The following DNM3 variants were observed in gnomAD, a reference collection of about 807,000 sequenced individuals.
DNM3 encodes the protein dynamin-3.
DNM3 carries 47 observed loss-of-function variants against 101.6 expected under a neutral mutation model. The ratio of observed to expected loss-of-function variants is 0.46; its 90% CI spans 0.37 to 0.59. The LOEUF is 0.59. Among genes scored for constraint, DNM3 ranks in the 20% least tolerant of loss-of-function variants. The pLI is 0.00. For synonymous variants in DNM3, 385 were observed against 387.9 expected (o/e 0.99, Z 0.09); for missense variants, 849 against 1,085.7 (o/e 0.78, Z 3.06).
chr1:171,936,017 G>GT (rs199537413), intron 2 of DNM3, among the ~76,000 whole-genome samples: 2,058 of 142,268 alleles, frequency 0.014, 24 homozygotes, highest in African/African-American at 0.035. Context: ...TGAAGAAGGT[G>GT]TTTTTTTTTT....
intron 1 of DNM3, among the ~76,000 whole-genome samples, chr1:171,904,183 G>A (rs2421948): frequency 1.3e-5 from 2 of 150,956 alleles, no homozygotes; most frequent in Non-Finnish European, 3.0e-5. Flanking sequence ...GTGGTGTCAC[G>A]CACCTGTAGT....
In DNM3 at chr1:172,235,729, G is replaced by C. The variant is rs2061516194; in HGVS notation, c.1660-17844G>C. ...ATGAAGCTGGAAACCATCATTCTCA[G>C]CAAACTATCGCAAGGACAAAAAACC... On this transcript the variant is annotated intron_variant, in intron 14 of 20. Coordinates refer to ENST00000627582, the MANE Select transcript of DNM3 (RefSeq NM_015569.5). Among the ~76,000 whole-genome samples, 3 of 152,188 alleles carry C rather than the reference G, an allele frequency of 2.0e-5. No homozygotes were observed. The East Asian group carries it at 5.8e-4, about 29-fold the overall frequency.
At chr1:172,074,796 A>G (rs929657970) in intron 11 of DNM3, among the ~76,000 whole-genome samples, 3 of 152,174 alleles carry the variant, frequency 2.0e-5, no homozygotes, top group African/African-American at 7.2e-5. Flanking sequence ...GTGTCTTTGT[A>G]GTAGAATGAT....
intron 10 of DNM3, among the ~76,000 whole-genome samples, chr1:172,061,364 C>G (rs2051182673): frequency 6.7e-6 from 1 of 148,670 alleles, no homozygotes; most frequent in Non-Finnish European, 1.5e-5. Context: ...ACCCAAAGGA[C>G]TATAAATCAT....
At chr1:171,975,323 T>C (rs2044294862) in intron 2 of DNM3, among the ~76,000 whole-genome samples, 1 of 152,360 alleles carries the variant, frequency 6.6e-6, no homozygotes, top group South Asian at 2.1e-4. Flanking sequence ...ATTTCCATGA[T>C]ATTTACAAGA....
At chr1:172,316,293 T>G (rs913829777) in intron 16 of DNM3, among the ~76,000 whole-genome samples, 2 of 151,306 alleles carry the variant, frequency 1.3e-5, no homozygotes, top group Admixed American at 6.6e-5. Context: ...CATGCCAAAA[T>G]GTAAAGACCA....
chr1:172,243,961 C>T, intron 14 of DNM3, among the ~76,000 whole-genome samples: 1 of 151,984 alleles, frequency 6.6e-6, no homozygotes, highest in South Asian at 2.1e-4. Context: ...GTGCGCTGCA[C>T]CCACTAACTC....
chr1:172,297,070 G>A (rs1208103565), intron 15 of DNM3, among the ~76,000 whole-genome samples: 1 of 151,086 alleles, frequency 6.6e-6, no homozygotes, highest in African/African-American at 2.4e-5. Context: ...TTGAACCTGG[G>A]AGGCGGAGGC....
intron 1 of DNM3, among the ~76,000 whole-genome samples, chr1:171,911,118 A>G (rs1450398393): frequency 1.3e-5 from 2 of 152,156 alleles, no homozygotes; most frequent in East Asian, 3.9e-4. Flanking sequence ...GGATCCAGGA[A>G]TCCACTTAAA....
chr1:172,184,049 A>G (rs990120302), intron 14 of DNM3, among the ~76,000 whole-genome samples: 1 of 151,888 alleles, frequency 6.6e-6, no homozygotes, highest in African/African-American at 2.4e-5. Context: ...TTGACCTTGG[A>G]TTAGTTGCTT....
At chr1:172,316,543 G>C (rs2065368131) in intron 16 of DNM3, among the ~76,000 whole-genome samples, 1 of 152,008 alleles carries the variant, frequency 6.6e-6, no homozygotes, top group South Asian at 2.1e-4. Context: ...GATTGAGGAA[G>C]ATCTACCAAG....
At chr1:172,376,428 A>C (rs2068603891) in intron 17 of DNM3, 1 of 152,102 alleles carries the variant, frequency 6.6e-6, no homozygotes, top group Non-Finnish European at 1.5e-5. Context: ...CCTTATTGCA[A>C]TCCTATAATT....
At chr1:172,358,586 C>G (rs1184250342) in intron 17 of DNM3, among the ~76,000 whole-genome samples, 1 of 151,996 alleles carries the variant, frequency 6.6e-6, no homozygotes, top group African/African-American at 2.4e-5. Context: ...AGCTCCCTCC[C>G]CCACCAGAAT....
At chr1:172,201,762 C>T (rs554913855) in intron 14 of DNM3, among the ~76,000 whole-genome samples, 125 of 152,322 alleles carry the variant, frequency 8.2e-4, no homozygotes, top group Non-Finnish European at 1.4e-3. Flanking sequence ...AAGGAATTTC[C>T]GAATTGCTAC....
intron 4 of DNM3, among the ~76,000 whole-genome samples, chr1:172,021,359 G>C (rs1195441098): frequency 6.6e-6 from 1 of 151,820 alleles, no homozygotes; most frequent in East Asian, 1.9e-4. Flanking sequence ...TGTACTCCCA[G>C]CTCCTCAGGA....
At chr1:171,988,365 A>G (rs2045413867) in intron 3 of DNM3, among the ~76,000 whole-genome samples, 1 of 152,124 alleles carries the variant, frequency 6.6e-6, no homozygotes, top group South Asian at 2.1e-4. Flanking sequence ...TATAAATGAC[A>G]TAAGCTCAAT....
chr1:172,231,241 C>G (rs1249222083), intron 14 of DNM3, among the ~76,000 whole-genome samples: 1 of 152,006 alleles, frequency 6.6e-6, no homozygotes, highest in Non-Finnish European at 1.5e-5. Context: ...CTCACACGGC[C>G]TGGTACCCCT....
At chr1:172,406,965 A>G (rs2070938410) in intron 20 of DNM3, among the ~76,000 whole-genome samples, 1 of 152,000 alleles carries the variant, frequency 6.6e-6, no homozygotes, top group South Asian at 2.1e-4. Flanking sequence ...CAAATACACT[A>G]AAAAAACTTA....
At chr1:172,180,966 C>A (rs542169212) in intron 14 of DNM3, among the ~76,000 whole-genome samples, 14 of 151,964 alleles carry the variant, frequency 9.2e-5, no homozygotes, top group Non-Finnish European at 1.6e-4. Flanking sequence ...AATGATAGTT[C>A]TTTTGTTGTC....
Sources: allele counts gnomAD v4.1 joint callset (sites outside exome capture counted in the v4.1 genomes callset), GRCh38; gene constraint gnomAD v4.1.1; transcripts MANE v1.5; gene names NCBI Gene and HGNC (gene_info 2026-07-23, HGNC 2026-07-21).